The following SOX6 variants were observed in gnomAD, a reference collection of about 807,000 sequenced individuals.
SOX6 encodes SRY-box transcription factor 6.
SOX6 carries 11 observed loss-of-function variants against 97.8 expected under a neutral mutation model. That is an observed-to-expected ratio of 0.11 (90% CI 0.07 to 0.19). The LOEUF (loss-of-function observed/expected upper bound fraction) is 0.19. SOX6 is among the 10% of genes least tolerant of loss of function. The pLI, the probability that SOX6 is intolerant of heterozygous loss-of-function variation, is 1.00. For missense variants in SOX6, 810 were observed against 1,039.5 expected (o/e 0.78, Z 3.04); for synonymous variants, 360 against 371.4 (o/e 0.97, Z 0.35).
intron 4 of SOX6, among the ~76,000 whole-genome samples, chr11:16,206,730 AGAAT>A (rs1852081831): frequency 6.6e-6 from 1 of 152,220 alleles, no homozygotes; most frequent in African/African-American, 2.4e-5. Context: ...TAGAGTCTTA[AGAAT>A]GAAGAACAAA....
intron 4 of SOX6, among the ~76,000 whole-genome samples, chr11:16,526,399 C>T (rs866428635): frequency 1.9e-4 from 29 of 150,682 alleles, no homozygotes; most frequent in Middle Eastern, 3.4e-3. Context: ...AACCAAACAC[C>T]GCATGTTCTC....
At chr11:16,205,200 A>ATGT (rs1852040976) in intron 4 of SOX6, among the ~76,000 whole-genome samples, 1 of 152,176 alleles carries the variant, frequency 6.6e-6, no homozygotes, top group Non-Finnish European at 1.5e-5. Context: ...TAGAACCAGC[A>ATGT]TATGAGTTTT....
At chr11:16,677,908 C>G (rs1847897171) in intron 3 of SOX6, among the ~76,000 whole-genome samples, 1 of 152,136 alleles carries the variant, frequency 6.6e-6, no homozygotes, top group South Asian at 2.1e-4. Flanking sequence ...TTATTCATTT[C>G]TTCTTAAGTA....
intron 5 of SOX6, 74 bp downstream of exon 5, chr11:16,186,709 C>T: frequency 1.3e-6 from 2 of 1,482,314 alleles, no homozygotes. Context: ...ACAAATAAGC[C>T]AATCAATTTG....
intron 2 of SOX6, among the ~76,000 whole-genome samples, chr11:16,731,047 G>A (rs1191130246): frequency 1.3e-5 from 2 of 152,090 alleles, no homozygotes; most frequent in Non-Finnish European, 2.9e-5. Context: ...GACTAAACCA[G>A]GAAGAAGCCG....
chr11:16,469,076 G>GAA (rs1432195673), intron 1 of SOX6, among the ~76,000 whole-genome samples: 3 of 132,650 alleles, frequency 2.3e-5, no homozygotes, highest in East Asian at 2.1e-4. Context: ...TTGGTACAGC[G>GAA]AAAAAAAAAA....
chr11:16,597,284 T>G (rs980114722), intron 4 of SOX6, among the ~76,000 whole-genome samples: 1 of 151,642 alleles, frequency 6.6e-6, no homozygotes, highest in Non-Finnish European at 1.5e-5. Flanking sequence ...TATCCAGAAC[T>G]GTTCTACCCA....
chr11:16,281,905 A>G (rs1278840221), intron 3 of SOX6, among the ~76,000 whole-genome samples: 1 of 151,092 alleles, frequency 6.6e-6, no homozygotes, highest in African/African-American at 2.4e-5. Context: ...AAACGTTAAC[A>G]TAAAAGCAAG....
rs1848383842 is a variant in SOX6 at position 16,610,495 on chromosome 11, A to T, written n.609+1586T>A. ...GAGGCAAGAAGGAAAAGAAGGAGAC[A>T]TTATCAAGATCTCTGGCGTCCACTG... is the stretch of plus-strand genomic sequence containing the variant. On this transcript the variant is annotated intron_variant and non_coding_transcript_variant, in intron 4 of 5. Coordinates refer to the SOX6 transcript ENST00000524520. The surrounding 1 kb of genome is among the most constrained non-coding windows in gnomAD (Gnocchi z 4.4). Among the ~76,000 whole-genome samples, 1 of 152,210 alleles carries T rather than the reference A, an allele frequency of 6.6e-6. No individual in the cohort carries two copies. Among genetic ancestry groups the T allele is most frequent in the African/African-American group, 2.4e-5 (1 of 41,470 alleles).
intron 6 of SOX6, among the ~76,000 whole-genome samples, chr11:16,172,397 C>G (rs1435214655): frequency 3.9e-5 from 6 of 152,038 alleles, no homozygotes; most frequent in Non-Finnish European, 8.8e-5. Context: ...GTTTGCTGTT[C>G]CCTGAAAGCA....
chr11:16,711,615 TCTGC>T (rs1848181495), intron 3 of SOX6, among the ~76,000 whole-genome samples: 1 of 152,332 alleles, frequency 6.6e-6, no homozygotes, highest in South Asian at 2.1e-4. Context: ...ATCTAAAAGC[TCTGC>T]CTATCTTTCC....
At chr11:16,442,176 T>C (rs1859515517) in intron 1 of SOX6, among the ~76,000 whole-genome samples, 1 of 152,208 alleles carries the variant, frequency 6.6e-6, no homozygotes, top group South Asian at 2.1e-4. Context: ...TTTTCACTGC[T>C]GCTATTTACT....
In SOX6 at chr11:16,605,298, C is replaced by T. The variant is rs946040031; in HGVS notation, n.609+6783G>A. On this transcript the variant is annotated intron_variant and non_coding_transcript_variant, in intron 4 of 5. Coordinates refer to the SOX6 transcript ENST00000524520. This position sits in a 1 kb window ranked among gnomAD's most constrained non-coding sequence, Gnocchi z 5.3. ...GGCCGGGTGACTCCCTGGCGAAGTC[C>T]GCGCCCGGCGGGGCTGAACTACCCC... Among the ~76,000 whole-genome samples, 2 of 152,128 alleles carry T rather than the reference C, an allele frequency of 1.3e-5. No individual in the cohort carries two copies. The highest frequency in any genetic ancestry group is 1.3e-4 in the Admixed American group (2 of 15,280).
intron 1 of SOX6, among the ~76,000 whole-genome samples, chr11:16,385,358 C>A (rs1857951423): frequency 6.6e-6 from 1 of 151,950 alleles, no homozygotes. Flanking sequence ...TTAAAAGCAA[C>A]ATATAACATT....
At chr11:16,597,178 T>TGAC (rs912599497) in intron 4 of SOX6, among the ~76,000 whole-genome samples, 1 of 152,090 alleles carries the variant, frequency 6.6e-6, no homozygotes, top group Non-Finnish European at 1.5e-5. Flanking sequence ...CTTTAAAGGC[T>TGAC]GACGAGTACT....
intron 4 of SOX6, among the ~76,000 whole-genome samples, chr11:16,498,233 G>A (rs115247691): frequency 0.22 from 33,491 of 151,870 alleles, 4,189 homozygotes; most frequent in East Asian, 0.51. Context: ...CATAAGTGAA[G>A]GAGAATTTAC....
intron 6 of SOX6, among the ~76,000 whole-genome samples, chr11:16,131,746 G>A (rs756739939): frequency 6.6e-6 from 1 of 151,952 alleles, no homozygotes. Context: ...GCAATGTAAA[G>A]TAACAAAATA....
intron 1 of SOX6, among the ~76,000 whole-genome samples, chr11:16,458,609 C>G (rs1221597646): frequency 6.6e-6 from 1 of 151,950 alleles, no homozygotes; most frequent in Non-Finnish European, 1.5e-5. Flanking sequence ...ATGTGTGAAG[C>G]ACTCTTAATT....
In SOX6 at chr11:16,411,814, T is replaced by C. The variant is rs140075965; in HGVS notation, c.-5+64501A>G. On this transcript the variant is annotated intron_variant, in intron 1 of 15. Transcript: ENST00000396356. ...GTTTTCTAGGTGAATGCAAAATTTG[T>C]ACTACAATATTCATTTTTGTTTTGT... Among the ~76,000 whole-genome samples the C allele has an allele frequency of 7.5e-3, 1,144 of 152,322 alleles. 13 individuals are homozygous for C. The highest frequency in any genetic ancestry group is 0.026 in the African/African-American group (1,095 of 41,582).
Sources: gnomAD v4.1 joint callset for allele counts (sites outside exome capture counted in the v4.1 genomes callset) on GRCh38, gnomAD v4.1.1 for gene constraint, Gnocchi (gnomAD v3.1) non-coding constraint, MANE v1.5 for transcripts, NCBI Gene and HGNC (gene_info 2026-07-23, HGNC 2026-07-21) for gene names.